The following OPCML variants were observed in gnomAD, a reference collection of about 807,000 sequenced individuals.
The protein encoded by OPCML is opioid-binding protein/cell adhesion molecule.
OPCML carries 13 observed loss-of-function variants against 37.8 expected under a neutral mutation model. That is an observed-to-expected ratio of 0.34 (90% CI 0.22 to 0.55). The LOEUF (loss-of-function observed/expected upper bound fraction) is 0.55. OPCML is among the 20% of genes least tolerant of loss of function. The probability of loss-of-function intolerance (pLI) is 0.91; values close to 1 mark genes in which losing one functional copy is unlikely to be tolerated. For missense variants in OPCML, 341 were observed against 435.6 expected (o/e 0.78, Z 1.93); for synonymous variants, 176 against 168.8 (o/e 1.04, Z -0.33).
chr11:133,430,150 A>G (rs1282443456), intron 1 of OPCML, among the ~76,000 whole-genome samples: 1 of 152,216 alleles, frequency 6.6e-6, no homozygotes, highest in Non-Finnish European at 1.5e-5. Flanking sequence ...AGATCAAATC[A>G]CATCAAGAAT....
At chr11:132,994,568 AT>A (rs1946847655) in intron 1 of OPCML, among the ~76,000 whole-genome samples, 1 of 151,912 alleles carries the variant, frequency 6.6e-6, no homozygotes, top group South Asian at 2.1e-4. Context: ...CAGGGCGGGG[AT>A]TTTCACCTGT....
At chr11:132,656,403 C>T (rs190413591) in intron 3 of OPCML, among the ~76,000 whole-genome samples, 2 of 152,276 alleles carry the variant, frequency 1.3e-5, no homozygotes, top group East Asian at 3.9e-4. Flanking sequence ...ATGCACGTGA[C>T]ACAATTCCTG....
At chr11:133,429,533 C>A (rs1046341296) in intron 1 of OPCML, among the ~76,000 whole-genome samples, 1 of 152,096 alleles carries the variant, frequency 6.6e-6, no homozygotes, top group African/African-American at 2.4e-5. Flanking sequence ...AGAAACAAGA[C>A]TAAAATTGGG....
At chr11:133,484,101 G>T (rs866558699) in intron 1 of OPCML, among the ~76,000 whole-genome samples, 5 of 147,654 alleles carry the variant, frequency 3.4e-5, no homozygotes, top group African/African-American at 1.3e-4. Flanking sequence ...TGAATAGATA[G>T]ATTAGATAGA....
At chr11:132,719,530 C>A (rs1351470142) in intron 2 of OPCML, among the ~76,000 whole-genome samples, 3 of 152,132 alleles carry the variant, frequency 2.0e-5, no homozygotes, top group African/African-American at 7.2e-5. Context: ...CAACCACGAG[C>A]AGACCAGGAT....
intron 3 of OPCML, among the ~76,000 whole-genome samples, chr11:132,607,398 A>T (rs1481589992): frequency 6.6e-6 from 1 of 152,168 alleles, no homozygotes; most frequent in African/African-American, 2.4e-5. Context: ...GATATTTCCC[A>T]CGGAGCTTTT....
At chr11:133,260,473 A>G (rs1391545378) in intron 1 of OPCML, among the ~76,000 whole-genome samples, 1 of 152,122 alleles carries the variant, frequency 6.6e-6, no homozygotes, top group Non-Finnish European at 1.5e-5. Context: ...AAGGACGTAC[A>G]GTCCTCAAAG....
At chr11:133,375,084 C>G (rs553101108) in intron 1 of OPCML, among the ~76,000 whole-genome samples, 1 of 152,166 alleles carries the variant, frequency 6.6e-6, no homozygotes. Flanking sequence ...AAAGCACGTG[C>G]TCTCTCCTTC....
chr11:133,513,760 A>G (rs1472279065), intron 1 of OPCML, among the ~76,000 whole-genome samples: 1 of 152,204 alleles, frequency 6.6e-6, no homozygotes, highest in Non-Finnish European at 1.5e-5. Context: ...GACCTTGTAG[A>G]ATTAGTTGTT....
chr11:132,962,575 A>C (rs1171805272), intron 1 of OPCML, among the ~76,000 whole-genome samples: 1 of 152,234 alleles, frequency 6.6e-6, no homozygotes, highest in Non-Finnish European at 1.5e-5. Context: ...TATTTGTCAC[A>C]GAGGGGGCAC....
At chr11:132,523,801 A>C (rs2096300654) in intron 4 of OPCML, among the ~76,000 whole-genome samples, 1 of 152,240 alleles carries the variant, frequency 6.6e-6, no homozygotes, top group South Asian at 2.1e-4. Context: ...TTCATGTTTT[A>C]AATGCTTTCA....
At chr11:133,313,300 C>T (rs1243175220) in intron 1 of OPCML, among the ~76,000 whole-genome samples, 1 of 152,140 alleles carries the variant, frequency 6.6e-6, no homozygotes, top group East Asian at 1.9e-4. Flanking sequence ...CTGCCTGACT[C>T]CAAAGGTGTT....
rs529185249 is a variant in OPCML, at chr11:133,271,699, C to A, written c.61+260565G>T. Among the ~76,000 whole-genome samples the A allele has an allele frequency of 5.3e-5, 8 of 152,290 alleles. No homozygotes were observed. The East Asian group carries it at 1.3e-3, about 26-fold the overall frequency. ...ATATTCTCACCCCTATGCAATATCA[C>A]CAGTCTATGACAGTGCTTCAAAAAC... On this transcript the variant is annotated intron_variant, in intron 1 of 7. Coordinates refer to ENST00000524381, the MANE Select transcript of OPCML (RefSeq NM_001012393.5).
At chr11:133,128,802 C>T (rs1263210256) in intron 1 of OPCML, among the ~76,000 whole-genome samples, 1 of 152,022 alleles carries the variant, frequency 6.6e-6, no homozygotes, top group East Asian at 1.9e-4. Context: ...GTTACTGTGA[C>T]CAAGAGAGTG....
chr11:132,958,846 C>T (rs1946024390), intron 1 of OPCML, among the ~76,000 whole-genome samples: 1 of 152,176 alleles, frequency 6.6e-6, no homozygotes, highest in Admixed American at 6.5e-5. Context: ...TATCACTGCC[C>T]ATTGACAATT....
chr11:133,326,437 G>A lies in OPCML; in HGVS notation c.61+205827C>T, dbSNP rs114869065. Among the ~76,000 whole-genome samples the A allele has an allele frequency of 3.7e-3, 521 of 139,870 alleles. 3 individuals are homozygous for A. The highest frequency in any genetic ancestry group is 0.013 in the African/African-American group (493 of 36,954). 91.8% of individuals were successfully genotyped at this position (139,870 alleles called of 152,430 possible). A position where few individuals can be genotyped will look rare whatever the true frequency, so the allele number is the denominator to read the frequency against. On this transcript the variant is annotated intron_variant, in intron 1 of 7. Coordinates refer to ENST00000524381, the MANE Select transcript of OPCML (RefSeq NM_001012393.5). ...TGTGGATATGCATGTGTGTGGGTGCGTGTATGTGTGTGTATGTGTGTGTGG... is the reference window on the plus strand; with the variant it reads ...TGTGGATATGCATGTGTGTGGGTGCATGTATGTGTGTGTATGTGTGTGTGG...
rs4429071 is a variant in OPCML at position 133,492,293 on chromosome 11, C to A, written c.61+39971G>T. Reference sequence around the variant, plus strand: ...TCTGGGAGAGGATCCATTTCACAAACATGTGTTTCCTACTGAATGCTGGCC... The same window carrying A: ...TCTGGGAGAGGATCCATTTCACAAAAATGTGTTTCCTACTGAATGCTGGCC... On this transcript the variant is annotated intron_variant, in intron 1 of 7. Coordinates refer to ENST00000524381, the MANE Select transcript of OPCML (RefSeq NM_001012393.5). Among the ~76,000 whole-genome samples the A allele has an allele frequency of 1.1e-3, 161 of 152,294 alleles. 2 individuals carry two copies. The highest frequency in any genetic ancestry group is 3.6e-3 in the African/African-American group (150 of 41,570).
At chr11:133,423,592 T>C (rs930542026) in intron 1 of OPCML, among the ~76,000 whole-genome samples, 3 of 152,174 alleles carry the variant, frequency 2.0e-5, no homozygotes, top group Non-Finnish European at 4.4e-5. Context: ...TAGGAAGCAA[T>C]GATGAACCCA....
intron 1 of OPCML, among the ~76,000 whole-genome samples, chr11:132,983,470 T>C (rs1946629926): frequency 6.6e-6 from 1 of 152,248 alleles, no homozygotes; most frequent in Non-Finnish European, 1.5e-5. Context: ...GACTCGCTGC[T>C]GGGACTGGTG....
Sources: allele counts gnomAD v4.1 joint callset (sites outside exome capture counted in the v4.1 genomes callset), GRCh38; gene constraint gnomAD v4.1.1; transcripts MANE v1.5; gene names NCBI Gene and HGNC (gene_info 2026-07-23, HGNC 2026-07-21).